The following UST variants were observed in gnomAD, a reference collection of about 807,000 sequenced individuals.
UST encodes the protein chondroitin sulfate 2-O-sulfotransferase.
Under a neutral mutation model 45.6 loss-of-function variants are expected in UST, and 21 were observed. The observed-to-expected ratio is 0.46, with a 90% confidence interval of 0.33 to 0.66. The LOEUF is 0.66. Ranked by LOEUF, UST falls within the 30% of genes least tolerant of loss-of-function variation. UST has a pLI of 0.02. For missense variants in UST, 463 were observed against 512.4 expected, an observed-to-expected ratio of 0.90 and a Z score of 0.93; for synonymous variants, 215 against 200.6, an observed-to-expected ratio of 1.07 and a Z score of -0.61.
intron 1 of UST, among the ~76,000 whole-genome samples, chr6:148,776,045 C>A (rs1224578385): frequency 6.6e-6 from 1 of 152,142 alleles, no homozygotes; most frequent in Admixed American, 6.5e-5. Flanking sequence ...TTATTACTTA[C>A]ACTTTATTTT....
chr6:148,955,756 A>G (rs907118578), intron 4 of UST: 1 of 152,260 alleles, frequency 6.6e-6, no homozygotes, highest in African/African-American at 2.4e-5. Flanking sequence ...GTCACCCCTG[A>G]CATCCTTAAA....
chr6:148,996,717 G>T (rs1781460127), intron 5 of UST, among the ~76,000 whole-genome samples: 1 of 152,164 alleles, frequency 6.6e-6, no homozygotes, highest in African/African-American at 2.4e-5. Flanking sequence ...AGATAGATCT[G>T]GGAAATTCTG....
chr6:149,066,921 C>A (rs950937216), intron 7 of UST, among the ~76,000 whole-genome samples: 6 of 151,970 alleles, frequency 3.9e-5, no homozygotes, highest in Non-Finnish European at 7.4e-5. Context: ...CAGAGCAAGA[C>A]CCTACCTCTT....
At chr6:148,962,055 T>C (rs1780670021) in intron 4 of UST, among the ~76,000 whole-genome samples, 1 of 152,224 alleles carries the variant, frequency 6.6e-6, no homozygotes, top group Non-Finnish European at 1.5e-5. Flanking sequence ...CGGCAACCAT[T>C]ATTGCCTTCT....
At chr6:148,972,741 A>G (rs1582936052) in intron 5 of UST, among the ~76,000 whole-genome samples, 1 of 152,244 alleles carries the variant, frequency 6.6e-6, no homozygotes, top group Non-Finnish European at 1.5e-5. Context: ...CTGCACCCCT[A>G]CTGGGGCAGG....
chr6:148,944,004 A>T (rs989357673), intron 3 of UST, among the ~76,000 whole-genome samples: 1 of 152,224 alleles, frequency 6.6e-6, no homozygotes, highest in African/African-American at 2.4e-5. Flanking sequence ...ATTTAGAGAA[A>T]CACTTTTTTT....
intron 1 of UST, among the ~76,000 whole-genome samples, chr6:148,845,337 G>C (rs1207197851): frequency 6.6e-6 from 1 of 152,144 alleles, no homozygotes; most frequent in African/African-American, 2.4e-5. Context: ...TTGAACTCTA[G>C]AGTATGTATT....
intron 1 of UST, among the ~76,000 whole-genome samples, chr6:148,797,988 A>C (rs1168217752): frequency 6.6e-6 from 1 of 152,190 alleles, no homozygotes; most frequent in African/African-American, 2.4e-5. Context: ...AATGGATGGC[A>C]AACCATTTGA....
intron 1 of UST, among the ~76,000 whole-genome samples, chr6:148,781,833 C>G (rs1484479735): frequency 1.3e-5 from 2 of 152,154 alleles, no homozygotes; most frequent in African/African-American, 4.8e-5. Context: ...CTGCCTGTGA[C>G]AGCATATCTG....
chr6:148,884,058 G>A (rs769449018), intron 1 of UST, among the ~76,000 whole-genome samples: 20 of 151,772 alleles, frequency 1.3e-4, no homozygotes, highest in South Asian at 4.2e-4. Flanking sequence ...GCTTGAACCC[G>A]GGAGACGGAG....
At chr6:148,844,843 G>T (rs900923686) in intron 1 of UST, among the ~76,000 whole-genome samples, 12 of 152,068 alleles carry the variant, frequency 7.9e-5, no homozygotes, top group Non-Finnish European at 1.6e-4. Flanking sequence ...ATCCATATGT[G>T]CTTAATGGTT....
At chr6:149,055,024 G>A (rs938709707) in intron 7 of UST, among the ~76,000 whole-genome samples, 1 of 152,138 alleles carries the variant, frequency 6.6e-6, no homozygotes, top group African/African-American at 2.4e-5. Flanking sequence ...TCTTAGTGAG[G>A]GGACTCAATC....
At chr6:148,947,616 A>C (rs1363278031) in intron 3 of UST, among the ~76,000 whole-genome samples, 2 of 152,214 alleles carry the variant, frequency 1.3e-5, no homozygotes, top group African/African-American at 4.8e-5. Context: ...TGAAGACTCC[A>C]TGCGTCCCTG....
intron 5 of UST, chr6:149,005,551 A>G (rs1781630174): frequency 1.0e-6 from 1 of 985,398 alleles, no homozygotes; most frequent in Non-Finnish European, 1.2e-6. Flanking sequence ...CATTCCTTCC[A>G]CAAGCTTTTA....
chr6:149,048,874 C>T (rs879021897), intron 7 of UST, among the ~76,000 whole-genome samples: 27 of 152,048 alleles, frequency 1.8e-4, no homozygotes, highest in African/African-American at 4.8e-4. Context: ...GTGGAGTCCC[C>T]GATGATGAGG....
intron 1 of UST, among the ~76,000 whole-genome samples, chr6:148,819,847 T>G (rs1030038348): frequency 6.6e-6 from 1 of 152,238 alleles, no homozygotes; most frequent in African/African-American, 2.4e-5. Flanking sequence ...AAGTTCTGGT[T>G]AAGAGTAGCC....
chr6:148,993,007 C>G (rs1781385508), intron 5 of UST: 1 of 985,300 alleles, frequency 1.0e-6, no homozygotes, highest in African/African-American at 1.7e-5. Flanking sequence ...GCTCAGCATT[C>G]AAGGCTAATA....
At chr6:148,787,291 AGGTT>A (rs2114697640) in intron 1 of UST, among the ~76,000 whole-genome samples, 1 of 152,294 alleles carries the variant, frequency 6.6e-6, no homozygotes, top group South Asian at 2.1e-4. Flanking sequence ...GACGTTGCCT[AGGTT>A]TTATTCTAGG....
intron 1 of UST, among the ~76,000 whole-genome samples, chr6:148,754,335 G>A (rs1776055850): frequency 6.6e-6 from 1 of 152,132 alleles, no homozygotes; most frequent in Non-Finnish European, 1.5e-5. Context: ...TAGGTTTTAG[G>A]GGAACAGGTG....
Sources: allele counts gnomAD v4.1 joint callset (sites outside exome capture counted in the v4.1 genomes callset), GRCh38; gene constraint gnomAD v4.1.1; transcripts MANE v1.5; gene names NCBI Gene and HGNC (gene_info 2026-07-23, HGNC 2026-07-21).